The following ANKRD52 variants were observed in gnomAD, a reference collection of about 807,000 sequenced individuals.
ANKRD52 encodes the protein ankyrin repeat domain 52, also known as serine/threonine-protein phosphatase 6 regulatory ankyrin repeat subunit C.
A neutral mutation model predicts 116.0 loss-of-function variants in ANKRD52; 7 were observed. The observed-to-expected ratio is 0.06, with a 90% CI of 0.03 to 0.11. The LOEUF (loss-of-function observed/expected upper bound fraction) is 0.11. Among genes scored for constraint, ANKRD52 ranks in the 10% least tolerant of loss-of-function variants. The pLI, the probability that ANKRD52 is intolerant of heterozygous loss-of-function variation, is 1.00. For synonymous variants in ANKRD52, 528 were observed against 578.1 expected, an observed-to-expected ratio of 0.91 and a Z score of 1.24; for missense variants, 839 against 1,408.6, an observed-to-expected ratio of 0.60 and a Z score of 6.47.
In ANKRD52 at chr12:56,258,322, TC is replaced by T; in HGVS notation, c.-54del. 6.6e-7 allele frequency: 1 copy of T among 1,507,308 alleles called. No homozygotes were observed. The highest frequency in any genetic ancestry group is 1.3e-5 in the South Asian group (1 of 79,698). The allele number at this position is 1,507,308 out of a possible 1,614,324, so 93.4% of individuals were successfully genotyped here. On this transcript the variant is annotated 5_prime_UTR_variant, in exon 1 of 28. Transcript: ENST00000267116. ...AGCTCCCGGCGGCGGCGGCGGCGGC[TC>T]CACCGGGGACACGGAGCGGCCCAGG...
In ANKRD52 at chr12:56,243,298, G is replaced by A. The variant is rs765280899; in HGVS notation, c.3075C>T (p.Asp1025=). ...GGCTGAAGCTGAAAGGACTGACGGC[G>A]TCCTTGGGTGGGAAAGGCTTCATGG... The part of the protein sequence containing the change: ...LSTMKPFPPK[D]AVSPFSFSLL... The change falls in exon 28 of 28, where the codon GAC becomes GAT. Residue 1025 remains aspartate (D), a synonymous_variant. Coordinates refer to ENST00000267116, the MANE Select transcript of ANKRD52 (RefSeq NM_173595.4). This position sits in a 1 kb window ranked among gnomAD's most constrained non-coding sequence, Gnocchi z 4.6. The A allele has an allele frequency of 2.3e-5, 37 of 1,614,028 alleles. No homozygotes were observed. Among genetic ancestry groups the A allele is most frequent in the South Asian group, 1.2e-4 (11 of 91,082 alleles).
chr12:56,254,422 A>G lies in ANKRD52; in HGVS notation c.694-143T>C, dbSNP rs1871847131. 1 of 1,432,876 alleles carries G rather than the reference A, an allele frequency of 7.0e-7. No homozygotes were observed. Among genetic ancestry groups the G allele is most frequent in the Admixed American group, 2.0e-5 (1 of 50,066 alleles). 88.8% of individuals were successfully genotyped at this position (1,432,876 alleles called of 1,614,324 possible). A position where few individuals can be genotyped will look rare whatever the true frequency, so the allele number is the denominator to read the frequency against. On this transcript the variant is annotated intron_variant, in intron 7 of 27. Transcript: ENST00000267116. This position sits in a 1 kb window ranked among gnomAD's most constrained non-coding sequence, Gnocchi z 4.6. ...CCCAAGGTACTAAGGTACTAAGGGC[A>G]CTATGGCTAAGGTAAGCATTATTCA... is the stretch of plus-strand genomic sequence containing the variant.
chr12:56,251,738 CAAAAAAAAAAAA>C (rs11286294), intron 15 of ANKRD52, among the ~76,000 whole-genome samples: 2 of 83,590 alleles, frequency 2.4e-5, no homozygotes, highest in Non-Finnish European at 5.1e-5. Flanking sequence ...ACTCTGTCTC[CAAAAAAAAAAAA>C]AAAAAAAAAA....
At chr12:56,257,180 C>A in intron 3 of ANKRD52, 95 bp from the exon 4 acceptor site, 1 of 1,550,522 alleles carries the variant, frequency 6.4e-7, no homozygotes, top group South Asian at 1.2e-5. Flanking sequence ...GAGCTGGAGC[C>A]TCGCCTGGAC....
chr12:56,257,124 G>A (rs775100912), intron 3 of ANKRD52, 39 bp from the exon 4 acceptor site: 1 of 1,600,290 alleles, frequency 6.2e-7, no homozygotes, highest in South Asian at 1.1e-5. Context: ...GGAAGGTGGG[G>A]AGGAGGTATG....
At position 56,244,230 on chromosome 12, in the gene ANKRD52, C is replaced by T; in HGVS notation, c.2806-97G>A. On this transcript the variant is annotated intron_variant, in intron 25 of 27. Coordinates refer to ENST00000267116, the MANE Select transcript of ANKRD52 (RefSeq NM_173595.4). This position sits in a 1 kb window ranked among gnomAD's most constrained non-coding sequence, Gnocchi z 4.9. ...AGAGTAACAGGAGGACAAACAGCTG[C>T]CCAACCAGTCGGATAGGCTGGACAA... The T allele has an allele frequency of 6.5e-7, 1 of 1,531,840 alleles. No individual in the cohort carries two copies. The highest frequency in any genetic ancestry group is 9.0e-7 in the Non-Finnish European group (1 of 1,108,520). 94.9% of individuals were successfully genotyped at this position (1,531,840 alleles called of 1,614,324 possible). A position where few individuals can be genotyped will look rare whatever the true frequency, so the allele number is the denominator to read the frequency against.
At position 56,247,757 on chromosome 12, in the gene ANKRD52, C is replaced by A; in HGVS notation, c.1996G>T (p.Asp666Tyr). The A allele has an allele frequency of 6.2e-7, 1 of 1,612,196 alleles. No individual in the cohort carries two copies. The highest frequency in any genetic ancestry group is 1.1e-5 in the South Asian group (1 of 90,632). ...CTGTCGATCAGCAAGTGCAGGGAGT[C>A]AGTGTGGCCAGAGGCAGCTAGGGGA... ...LHAAAASGHT[D>Y]SLHLLIDSGE... The change falls in exon 19 of 28, where the codon GAC (aspartate) becomes TAC (tyrosine). Residue 666 changes from aspartate (D) to tyrosine (Y), a missense_variant. This residue lies in a region of ANKRD52 where 552 missense variants were observed against 810.6 expected (regional missense o/e 0.68). Transcript: ENST00000267116.
rs924105791 is a variant in ANKRD52, at chr12:56,241,324, A to G, written c.*1818T>C. The G allele has an allele frequency of 1.3e-5, 2 of 152,158 alleles. No individual in the cohort carries two copies. Among genetic ancestry groups the G allele is most frequent in the East Asian group, 3.9e-4 (2 of 5,186 alleles). 9.4% of individuals were successfully genotyped at this position (152,158 alleles called of 1,614,324 possible). On this transcript the variant is annotated 3_prime_UTR_variant, in exon 28 of 28. Transcript: ENST00000267116. ...GATCAAAAGGGACCATGAAAAGATAAGGACTTGGACAACACCCCAGGCTTC... is the reference window on the plus strand; with the variant it reads ...GATCAAAAGGGACCATGAAAAGATAGGGACTTGGACAACACCCCAGGCTTC...
Position 56,243,535 on chromosome 12 carries a change from A to G in ANKRD52, c.2981-143T>C. 1 of 1,281,466 alleles carries G rather than the reference A, an allele frequency of 7.8e-7. No homozygotes were observed. The highest frequency in any genetic ancestry group is 1.1e-6 in the Non-Finnish European group (1 of 943,308). 79.4% of individuals were successfully genotyped at this position (1,281,466 alleles called of 1,614,324 possible). On this transcript the variant is annotated intron_variant, in intron 27 of 27. Transcript: ENST00000267116. This position sits in a 1 kb window ranked among gnomAD's most constrained non-coding sequence, Gnocchi z 4.6. Reference sequence around the variant, plus strand: ...CAGAATCCAAGGGTGACGAGGGCCCAGGAAGGCTGACAGGCAGATTCTCTA... The same window carrying G: ...CAGAATCCAAGGGTGACGAGGGCCCGGGAAGGCTGACAGGCAGATTCTCTA...
At chr12:56,257,472 T>C in intron 2 of ANKRD52, 111 bp from the exon 3 acceptor site, 2 of 1,003,302 alleles carry the variant, frequency 2.0e-6, no homozygotes, top group Non-Finnish European at 1.5e-6. Context: ...CTTCCCATAG[T>C]TTCTGCAGCG....
chr12:56,250,166 G>C (rs988669089), intron 15 of ANKRD52, among the ~76,000 whole-genome samples: 5 of 152,040 alleles, frequency 3.3e-5, no homozygotes, highest in African/African-American at 1.2e-4. Context: ...AACTGCACTA[G>C]AGCCTGGGTG....
At position 56,242,988 on chromosome 12, in the gene ANKRD52, C is replaced by A; in HGVS notation, c.*154G>T. On this transcript the variant is annotated 3_prime_UTR_variant, in exon 28 of 28. Coordinates refer to ENST00000267116, the MANE Select transcript of ANKRD52 (RefSeq NM_173595.4). This position sits in a 1 kb window ranked among gnomAD's most constrained non-coding sequence, Gnocchi z 4.3. The stretch of plus-strand genomic sequence containing the variant: ...CCCCTGCCAGGCCAAGATGGTGTGG[C>A]AAAGGGGTGAGCAGCTGCTCCCCAG... The A allele has an allele frequency of 1.7e-6, 2 of 1,148,868 alleles. No homozygotes were observed. The highest frequency in any genetic ancestry group is 2.4e-6 in the Non-Finnish European group (2 of 840,430). 71.2% of individuals were successfully genotyped at this position (1,148,868 alleles called of 1,614,324 possible).
intron 22 of ANKRD52, 22 bp downstream of exon 22, chr12:56,245,081 T>G: frequency 1.9e-6 from 3 of 1,613,526 alleles, no homozygotes; most frequent in Non-Finnish European, 2.5e-6. Flanking sequence ...CGAGAAGGGC[T>G]GATGCAGCAG....
At position 56,253,660 on chromosome 12, in the gene ANKRD52, T is replaced by C; in HGVS notation, c.985+62A>G. On this transcript the variant is annotated intron_variant, in intron 9 of 27. Transcript: ENST00000267116. The surrounding 1 kb of genome is among the most constrained non-coding windows in gnomAD (Gnocchi z 5.5). ...GAAGGAAGTTAGGAACCTCCCTAGA[T>C]TCTAGAAATGAGTTCCTTGGGGGAG... 1 of 1,552,980 alleles carries C rather than the reference T, an allele frequency of 6.4e-7. No individual in the cohort carries two copies. The highest frequency in any genetic ancestry group is 1.1e-5 in the South Asian group (1 of 89,018).
At position 56,255,884 on chromosome 12, in the gene ANKRD52, T is replaced by C. The variant is rs1255062557; in HGVS notation, c.362A>G (p.Lys121Arg). ...CAGGGGTGCCAGAGCCTCAGCACAC[T>C]TGGTGGCCCGGTTGGCAGCAGCCAC... ...LHVAAANRAT[K>R]CAEALAPLLS... is the part of the protein sequence containing the mutation. Residue 121 changes from lysine to arginine, a missense_variant, in exon 5 of 28, where the codon AAG becomes AGG. Coordinates refer to ENST00000267116, the MANE Select transcript of ANKRD52 (RefSeq NM_173595.4). This position sits in a 1 kb window ranked among gnomAD's most constrained non-coding sequence, Gnocchi z 4.3. The C allele has an allele frequency of 6.4e-7, 1 of 1,573,830 alleles. No individual in the cohort carries two copies. Among genetic ancestry groups the C allele is most frequent in the African/African-American group, 1.4e-5 (1 of 74,044 alleles).
At chr12:56,257,603 T>C (rs1416938258) in intron 2 of ANKRD52, among the ~76,000 whole-genome samples, 1 of 151,094 alleles carries the variant, frequency 6.6e-6, no homozygotes, top group Non-Finnish European at 1.5e-5. Context: ...ACTCCGGAGG[T>C]TGAGAAGAGA....
Position 56,248,569 on chromosome 12 carries a change from G to T in ANKRD52, c.1705-3C>A. Reference sequence around the variant, plus strand: ...CAGTTAAAGGACATTTCTAAGAGCTGCAAAGGACAGGAAAGTAGGTGCTGA... The same window carrying T: ...CAGTTAAAGGACATTTCTAAGAGCTTCAAAGGACAGGAAAGTAGGTGCTGA... On this transcript the variant is annotated splice_polypyrimidine_tract_variant and splice_region_variant and intron_variant, in intron 16 of 27. Coordinates refer to ENST00000267116, the MANE Select transcript of ANKRD52 (RefSeq NM_173595.4). This position sits in a 1 kb window ranked among gnomAD's most constrained non-coding sequence, Gnocchi z 5.1. The T allele has an allele frequency of 6.3e-7, 1 of 1,586,166 alleles. No individual in the cohort carries two copies. The highest frequency in any genetic ancestry group is 8.6e-7 in the Non-Finnish European group (1 of 1,166,328).
chr12:56,248,618 AC>A lies in ANKRD52; in HGVS notation c.1705-53del, dbSNP rs1454807780. On this transcript the variant is annotated intron_variant, in intron 16 of 27. Coordinates refer to ENST00000267116, the MANE Select transcript of ANKRD52 (RefSeq NM_173595.4). This position sits in a 1 kb window ranked among gnomAD's most constrained non-coding sequence, Gnocchi z 5.1. Reference sequence around the variant, plus strand: ...GAGACTCTGGAACTCCCAAGATAGTACCCCAGTCCCCGACTCGCAGTAATCC... The same window carrying A: ...GAGACTCTGGAACTCCCAAGATAGTACCCAGTCCCCGACTCGCAGTAATCC... 6.5e-7 allele frequency: 1 copy of A among 1,529,596 alleles called. No individual in the cohort carries two copies. The highest frequency in any genetic ancestry group is 8.9e-7 in the Non-Finnish European group (1 of 1,123,618). The allele number at this position is 1,529,596 out of a possible 1,614,324, so 94.8% of individuals were successfully genotyped here. A position where few individuals can be genotyped will look rare whatever the true frequency, so the allele number is the denominator to read the frequency against.
chr12:56,251,911 A>C, intron 15 of ANKRD52, 104 bp downstream of exon 15: 1 of 1,245,976 alleles, frequency 8.0e-7, no homozygotes, highest in Non-Finnish European at 1.1e-6. Context: ...CCGGCAGGAC[A>C]GCAGCAGTAT....
Sources: allele counts gnomAD v4.1 joint callset (sites outside exome capture counted in the v4.1 genomes callset), GRCh38; gene constraint gnomAD v4.1.1; regional missense constraint gnomAD v4.1.1; non-coding constraint Gnocchi (gnomAD v3.1); transcripts MANE v1.5; gene names NCBI Gene and HGNC (gene_info 2026-07-23, HGNC 2026-07-21).